AGL: variants seen among roughly 807,000 people sequenced by gnomAD.
AGL encodes amylo-alpha-1,6-glucosidase and 4-alpha-glucanotransferase.
A neutral mutation model predicts 199.3 loss-of-function variants in AGL; 128 were observed. The ratio of observed to expected loss-of-function variants is 0.64; its 90% CI spans 0.56 to 0.74. AGL has a LOEUF of 0.74. Ranked by LOEUF, AGL falls within the 30% of genes least tolerant of loss-of-function variation. The pLI is 0.00. For missense variants in AGL, 1,809 were observed against 1,820.8 expected, an observed-to-expected ratio of 0.99 and a Z score of 0.12; for synonymous variants, 584 against 594.7, an observed-to-expected ratio of 0.98 and a Z score of 0.26.
At chr1:99,865,917 A>G (rs1373793676) in intron 5 of AGL, among the ~76,000 whole-genome samples, 2 of 152,316 alleles carry the variant, frequency 1.3e-5, no homozygotes, top group East Asian at 3.9e-4. Context: ...CCAAGCCTCC[A>G]GTTCTACGGT....
At chr1:99,865,972 A>T (rs1650472377) in intron 5 of AGL, among the ~76,000 whole-genome samples, 1 of 152,150 alleles carries the variant, frequency 6.6e-6, no homozygotes, top group African/African-American at 2.4e-5. Context: ...TCATTTGAAA[A>T]TTTGACATTA....
chr1:99,878,544 T>C (rs1651754660), intron 12 of AGL, among the ~76,000 whole-genome samples: 1 of 152,098 alleles, frequency 6.6e-6, no homozygotes, highest in Admixed American at 6.5e-5. Context: ...TTCTATCTAA[T>C]ACAATCTTTG....
chr1:99,915,325 G>A (rs1655032116), intron 30 of AGL, 64 bp from the exon 31 acceptor site: 1 of 1,316,782 alleles, frequency 7.6e-7, no homozygotes, highest in Non-Finnish European at 1.1e-6. Context: ...AATAGTTTCT[G>A]TGGGTAGGAA....
At chr1:99,859,411 C>G (rs113632007) in intron 2 of AGL, among the ~76,000 whole-genome samples, 1 of 151,488 alleles carries the variant, frequency 6.6e-6, no homozygotes, top group Non-Finnish European at 1.5e-5. Flanking sequence ...GCCTTTTTCC[C>G]GTTTGTAGTA....
intron 17 of AGL, among the ~76,000 whole-genome samples, chr1:99,883,514 G>A (rs1468707263): frequency 6.6e-6 from 1 of 152,128 alleles, no homozygotes; most frequent in African/African-American, 2.4e-5. Context: ...TGCTGTAGCT[G>A]ATGCAGCAGT....
intron 23 of AGL, 79 bp from the exon 24 acceptor site, chr1:99,892,353 G>T: frequency 7.7e-7 from 1 of 1,293,926 alleles, no homozygotes; most frequent in South Asian, 1.2e-5. Context: ...AAAATCATTT[G>T]AAGGAAAGAA....
intron 27 of AGL, among the ~76,000 whole-genome samples, chr1:99,909,061 C>G (rs966148567): frequency 6.6e-6 from 1 of 152,114 alleles, no homozygotes; most frequent in Non-Finnish European, 1.5e-5. Flanking sequence ...CCTGAAATCT[C>G]TAGTTGGGAG....
At chr1:99,907,804 C>G (rs903475409) in intron 27 of AGL, among the ~76,000 whole-genome samples, 5 of 150,470 alleles carry the variant, frequency 3.3e-5, no homozygotes, top group Admixed American at 2.0e-4. Context: ...CATGTGCTTG[C>G]AGGCATACAT....
At chr1:99,861,157 G>C in intron 2 of AGL, 1 of 1,166,490 alleles carries the variant, frequency 8.6e-7, no homozygotes, top group Non-Finnish European at 1.1e-6. Flanking sequence ...TCAGATGCCT[G>C]CCATTGGGTA....
rs376432213 is a variant in AGL, at chr1:99,902,832, G to A, written c.3700+38G>A. The A allele has an allele frequency of 8.1e-6, 12 of 1,483,544 alleles. No homozygotes were observed. The African/African-American group carries it at 8.3e-5, about 10-fold the overall frequency. The allele number at this position is 1,483,544 out of a possible 1,614,324, so 91.9% of individuals were successfully genotyped here. On this transcript the variant is annotated intron_variant, in intron 27 of 33. Coordinates refer to ENST00000361915, the MANE Select transcript of AGL (RefSeq NM_000642.3). ...AACTAAAATAGTACAAATTTATCAA[G>A]GTGATGAAATTAAACCTTGCAATTG...
Position 99,891,292 on chromosome 1 carries a change from C to T in AGL, c.2885C>T (p.Ser962Phe), listed in dbSNP as rs34714252. ...CATCCTTTTTGTAATAATTTGAGAT[C>T]TGGAGATTGGATGATTGACTATGTC... is the stretch of plus-strand genomic sequence containing the variant. ...LGHPFCNNLR[S>F]GDWMIDYVSN... The change falls in exon 22 of 34, where the codon TCT becomes TTT. Residue 962 changes from serine to phenylalanine, a missense_variant. Ser to Phe is a radical substitution (Grantham distance 155, BLOSUM62 -2). Coordinates refer to ENST00000361915, the MANE Select transcript of AGL (RefSeq NM_000642.3). The T allele has an allele frequency of 6.2e-7, 1 of 1,613,666 alleles. No individual in the cohort carries two copies. Among genetic ancestry groups the T allele is most frequent in the Non-Finnish European group, 8.5e-7 (1 of 1,179,714 alleles).
At chr1:99,917,150 G>A (rs1655185602) in intron 33 of AGL, among the ~76,000 whole-genome samples, 1 of 152,066 alleles carries the variant, frequency 6.6e-6, no homozygotes, top group African/African-American at 2.4e-5. Context: ...TTGCCTGTTA[G>A]TTCAAAAAAC....
chr1:99,907,779 T>C (rs1654433083), intron 27 of AGL, among the ~76,000 whole-genome samples: 1 of 150,908 alleles, frequency 6.6e-6, no homozygotes, highest in African/African-American at 2.4e-5. Flanking sequence ...TTCTTAGTGA[T>C]GTTGAGCATC....
intron 2 of AGL, among the ~76,000 whole-genome samples, chr1:99,851,831 T>A (rs1648973761): frequency 6.6e-6 from 1 of 152,234 alleles, no homozygotes; most frequent in Non-Finnish European, 1.5e-5. Context: ...ACCAAATGGA[T>A]GTTGCTAGTC....
intron 2 of AGL, among the ~76,000 whole-genome samples, chr1:99,851,672 G>A (rs1460150328): frequency 6.6e-6 from 1 of 152,150 alleles, no homozygotes; most frequent in East Asian, 1.9e-4. Flanking sequence ...ATCTGGTTAT[G>A]TTGAACTATA....
At chr1:99,849,729 C>T (rs1648771885), upstream of AGL, among the ~76,000 whole-genome samples, 1 of 152,180 alleles carries the variant, frequency 6.6e-6, no homozygotes, top group African/African-American at 2.4e-5. Context: ...ACTCTGAGAA[C>T]TTAGGCCAAG....
At position 99,862,338 on chromosome 1, in the gene AGL, CTG is replaced by C; in HGVS notation, c.379_380del (p.Val127TyrfsTer8). ...GADNHVLPLDCVTLQTFLAKC... is the reference protein window; with the variant it reads ...GADNHVLPLDXVTLQTFLAKC... ...CTGATAATCATGTGCTACCCTTGGA[CTG>C]TGTTACTCTTCAGACATTTTTAGCT... On this transcript the variant is annotated frameshift_variant, in exon 4 of 34. Transcript: ENST00000361915. LOFTEE classifies it high-confidence loss of function. 1.9e-6 allele frequency: 3 copies of C among 1,614,038 alleles called. No individual in the cohort carries two copies. The highest frequency in any genetic ancestry group is 2.5e-6 in the Non-Finnish European group (3 of 1,180,002).
At chr1:99,903,941 T>C (rs1211850692) in intron 27 of AGL, among the ~76,000 whole-genome samples, 1 of 152,172 alleles carries the variant, frequency 6.6e-6, no homozygotes, top group Non-Finnish European at 1.5e-5. Flanking sequence ...CTTTGCCCAC[T>C]TTTTGATGGG....
intron 31 of AGL, among the ~76,000 whole-genome samples, chr1:99,916,080 C>T (rs374204786): frequency 5.9e-5 from 9 of 152,030 alleles, no homozygotes; most frequent in African/African-American, 2.2e-4. Flanking sequence ...ATTAGATAGG[C>T]TTCAATATAT....
Sources: allele counts gnomAD v4.1 joint callset (sites outside exome capture counted in the v4.1 genomes callset), GRCh38; gene constraint gnomAD v4.1.1; transcripts MANE v1.5; gene names NCBI Gene and HGNC (gene_info 2026-07-23, HGNC 2026-07-21).